The following CCDC192 variants were observed in gnomAD, a reference collection of about 807,000 sequenced individuals.
CCDC192 encodes coiled-coil domain containing 192.
intron 6 of CCDC192, among the ~76,000 whole-genome samples, chr5:127,908,030 A>G (rs1396166245): frequency 6.6e-6 from 1 of 152,244 alleles, no homozygotes; most frequent in Non-Finnish European, 1.5e-5. Flanking sequence ...TTCTAAGACT[A>G]CAACCACAAT....
At chr5:127,728,320 A>G (rs1752449826) in intron 2 of CCDC192, among the ~76,000 whole-genome samples, 1 of 152,230 alleles carries the variant, frequency 6.6e-6, no homozygotes, top group Admixed American at 6.5e-5. Context: ...CTACAAAGGG[A>G]AGCCCATCAG....
intron 3 of CCDC192, among the ~76,000 whole-genome samples, chr5:127,772,345 G>A (rs1755603067): frequency 6.6e-6 from 1 of 151,844 alleles, no homozygotes; most frequent in Non-Finnish European, 1.5e-5. Flanking sequence ...TGTAATCCCA[G>A]CTACTCTGGA....
intron 2 of CCDC192, among the ~76,000 whole-genome samples, chr5:127,753,115 A>G (rs187505629): frequency 1.0e-3 from 153 of 152,206 alleles, no homozygotes; most frequent in Middle Eastern, 3.4e-3. Flanking sequence ...AGCTGTTCCT[A>G]TTCGGCCATC....
chr5:127,879,068 C>T (rs1752240995), intron 6 of CCDC192, among the ~76,000 whole-genome samples: 1 of 151,528 alleles, frequency 6.6e-6, no homozygotes, highest in African/African-American at 2.4e-5. Flanking sequence ...TATCCTGAGA[C>T]TTTGCTGAAG....
chr5:127,739,126 G>C (rs1177716373), intron 2 of CCDC192, among the ~76,000 whole-genome samples: 1 of 152,082 alleles, frequency 6.6e-6, no homozygotes, highest in Non-Finnish European at 1.5e-5. Flanking sequence ...TGTCCTTTCT[G>C]TTTGTTAGTT....
chr5:127,756,066 G>C (rs994927000), intron 3 of CCDC192, among the ~76,000 whole-genome samples: 1 of 151,892 alleles, frequency 6.6e-6, no homozygotes, highest in Non-Finnish European at 1.5e-5. Context: ...CCGGGAGGCG[G>C]AGCTTGCAGT....
chr5:127,827,757 C>T (rs1444364187), intron 5 of CCDC192, among the ~76,000 whole-genome samples: 2 of 152,212 alleles, frequency 1.3e-5, no homozygotes, highest in Non-Finnish European at 2.9e-5. Context: ...TGCTTCCCTT[C>T]AACTTGATCA....
intron 3 of CCDC192, among the ~76,000 whole-genome samples, chr5:127,757,767 T>TAC (rs60177261): frequency 0.044 from 5,643 of 129,370 alleles, 204 homozygotes; most frequent in East Asian, 0.21. Flanking sequence ...AGACAAGGAT[T>TAC]ACACACACAC....
At chr5:127,912,140 C>A (rs1295231119) in intron 6 of CCDC192, among the ~76,000 whole-genome samples, 2 of 151,144 alleles carry the variant, frequency 1.3e-5, no homozygotes, top group Non-Finnish European at 2.9e-5. Context: ...CCATATTGGC[C>A]AGGCTGGTCT....
intron 3 of CCDC192, among the ~76,000 whole-genome samples, chr5:127,765,186 G>A (rs1400058357): frequency 6.6e-6 from 1 of 152,098 alleles, no homozygotes; most frequent in Non-Finnish European, 1.5e-5. Flanking sequence ...ATACTAATAG[G>A]TTATTATTCT....
At chr5:127,877,777 C>A (rs896543662) in intron 6 of CCDC192, among the ~76,000 whole-genome samples, 1 of 152,166 alleles carries the variant, frequency 6.6e-6, no homozygotes. Flanking sequence ...ACAATGAGGG[C>A]TGGCCCACCC....
intron 5 of CCDC192, among the ~76,000 whole-genome samples, chr5:127,867,379 G>A (rs1751656801): frequency 6.6e-6 from 1 of 152,176 alleles, no homozygotes; most frequent in South Asian, 2.1e-4. Flanking sequence ...TGTTAGAAGA[G>A]CTTAGCAGCA....
chr5:127,717,928 C>CAAAAAAAAAAAAAAAAA, intron 2 of CCDC192, among the ~76,000 whole-genome samples: 19 of 97,996 alleles, frequency 1.9e-4, no homozygotes, highest in African/African-American at 3.1e-4. Flanking sequence ...TAAAGCTAGA[C>CAAAAAAAAAAAAAAAAA]AAAAAAAAAA....
intron 6 of CCDC192, among the ~76,000 whole-genome samples, chr5:127,894,426 C>T (rs532877594): frequency 6.6e-6 from 1 of 152,060 alleles, no homozygotes; most frequent in Admixed American, 6.5e-5. Context: ...CTCCTGACCT[C>T]GTGATCCACC....
rs181203997 is a variant in CCDC192 at position 127,862,337 on chromosome 5, C to T, written c.412-13201C>T. ...CTGGAGTTACTGCCATCTCTACTTC[C>T]CCCAAAACATTCATGCTGGCCTCAG... On this transcript the variant is annotated intron_variant, in intron 5 of 6. Transcript: ENST00000514853. 4.9e-4 allele frequency among the ~76,000 whole-genome samples: 75 copies of T among 152,262 alleles called. 1 individual carries two copies. Among genetic ancestry groups the T allele is most frequent in the Admixed American group, 4.8e-3 (74 of 15,292 alleles).
intron 5 of CCDC192, among the ~76,000 whole-genome samples, chr5:127,836,603 G>A (rs1445939986): frequency 6.6e-6 from 1 of 152,232 alleles, no homozygotes; most frequent in Admixed American, 6.5e-5. Context: ...CTAAGCAGAA[G>A]TTCCCAAACC....
intron 6 of CCDC192, among the ~76,000 whole-genome samples, chr5:127,892,039 A>G (rs1405067740): frequency 6.6e-6 from 1 of 152,156 alleles, no homozygotes; most frequent in Non-Finnish European, 1.5e-5. Flanking sequence ...TTATCAGAGT[A>G]CTATTGGGTT....
intron 3 of CCDC192, chr5:127,786,409 C>T: frequency 1.6e-6 from 1 of 622,102 alleles, no homozygotes; most frequent in East Asian, 2.7e-5. Flanking sequence ...AATGCATCAT[C>T]TTCCTTCAGC....
At chr5:127,920,527 T>G (rs1753681927) in intron 6 of CCDC192, among the ~76,000 whole-genome samples, 2 of 149,560 alleles carry the variant, frequency 1.3e-5, no homozygotes, top group South Asian at 4.3e-4. Context: ...CTCTGCAAAC[T>G]TGACTCCTGA....
Sources: allele counts gnomAD v4.1 joint callset (sites outside exome capture counted in the v4.1 genomes callset), GRCh38; gene constraint gnomAD v4.1.1; transcripts MANE v1.5; gene names NCBI Gene and HGNC (gene_info 2026-07-23, HGNC 2026-07-21).